The following IFT43 variants were observed in gnomAD, a reference collection of about 807,000 sequenced individuals.
The protein encoded by IFT43 is intraflagellar transport 43.
Under a neutral mutation model 32.3 loss-of-function variants are expected in IFT43, and 33 were observed. The observed-to-expected ratio is 1.02, with a 90% CI of 0.77 to 1.37. The LOEUF is 1.37. IFT43 is among the 40% of genes most tolerant of loss of function. The pLI, the probability that IFT43 is intolerant of heterozygous loss-of-function variation, is 0.00. For synonymous variants in IFT43, 93 were observed against 98.2 expected (o/e 0.95, Z 0.31); for missense variants, 274 against 265.9 (o/e 1.03, Z -0.21).
At chr14:76,041,490 C>T (rs1028356403) in intron 3 of IFT43, among the ~76,000 whole-genome samples, 1 of 152,306 alleles carries the variant, frequency 6.6e-6, no homozygotes, top group Non-Finnish European at 1.5e-5. Flanking sequence ...AAGTGCTTGC[C>T]AGGGTCTTCT....
intron 5 of IFT43, among the ~76,000 whole-genome samples, chr14:76,066,768 A>C (rs74066785): frequency 0.019 from 2,932 of 152,312 alleles, 91 homozygotes; most frequent in African/African-American, 0.067. Context: ...GAAGGGGCTG[A>C]TCACTCTCTT....
At chr14:76,044,425 T>C (rs1307287564) in intron 3 of IFT43, among the ~76,000 whole-genome samples, 1 of 152,240 alleles carries the variant, frequency 6.6e-6, no homozygotes, top group East Asian at 1.9e-4. Context: ...TCTGTTCCCA[T>C]GGAGTTGAAG....
At chr14:76,022,778 T>G (rs2036318820) in intron 3 of IFT43, 1 of 163,332 alleles carries the variant, frequency 6.1e-6, no homozygotes, top group South Asian at 1.8e-4. Flanking sequence ...CTGGCTTCTC[T>G]CACTTGTCAT....
At chr14:76,069,231 T>A (rs2037277722) in intron 5 of IFT43, among the ~76,000 whole-genome samples, 1 of 152,136 alleles carries the variant, frequency 6.6e-6, no homozygotes. Context: ...CGCCACACAC[T>A]TTTAAAACAA....
chr14:75,999,252 TATATATATATATATATA>T (rs2035818597), intron 2 of IFT43, among the ~76,000 whole-genome samples: 15 of 11,450 alleles, frequency 1.3e-3, no homozygotes, highest in African/African-American at 5.3e-3. Context: ...TATATATATA[TATATATATATATATATA>T]TATGTATATA....
chr14:75,985,814 G>A lies in IFT43; in HGVS notation c.28G>A (p.Glu10Lys). The change falls in exon 1 of 9, where the codon GAG becomes AAG. Residue 10 changes from glutamate to lysine, a missense_variant. Physicochemically the swap from Glu to Lys is moderately conservative, Grantham distance 56 (BLOSUM62 1). Coordinates refer to ENST00000314067, the MANE Select transcript of IFT43 (RefSeq NM_001102564.3). MEDLLDLDEELRYSLATSRA... is the reference protein window; with the variant it reads MEDLLDLDEKLRYSLATSRA... ...GGAGGATTTGCTCGACTTGGACGAG[G>A]AGCTTCGCTACAGCTTGGCTACCTC... The A allele has an allele frequency of 3.7e-6, 6 of 1,614,170 alleles. No homozygotes were observed. The highest frequency in any genetic ancestry group is 5.1e-6 in the Non-Finnish European group (6 of 1,180,036).
chr14:76,077,734 A>G (rs1343146190), intron 5 of IFT43, among the ~76,000 whole-genome samples: 1 of 152,104 alleles, frequency 6.6e-6, no homozygotes, highest in African/African-American at 2.4e-5. Context: ...ATTTCCCCCC[A>G]TCATGCCTTG....
intron 5 of IFT43, among the ~76,000 whole-genome samples, chr14:76,072,532 G>C (rs1228943763): frequency 1.3e-5 from 2 of 152,226 alleles, no homozygotes; most frequent in African/African-American, 4.8e-5. Context: ...TATGTGAGCA[G>C]CTTGCTTGCA....
chr14:76,038,808 G>A (rs1464985652), intron 3 of IFT43, among the ~76,000 whole-genome samples: 50 of 152,082 alleles, frequency 3.3e-4, no homozygotes, highest in Non-Finnish European at 5.9e-5. Flanking sequence ...GTATTATTTT[G>A]GTAGATTTCA....
chr14:76,052,273 C>A (rs1054598578), intron 3 of IFT43, among the ~76,000 whole-genome samples: 9 of 152,222 alleles, frequency 5.9e-5, no homozygotes, highest in African/African-American at 1.4e-4. Flanking sequence ...CCATTTAGAT[C>A]TCTGCAGTAT....
intron 2 of IFT43, among the ~76,000 whole-genome samples, chr14:76,018,128 G>C (rs2036223320): frequency 6.7e-6 from 1 of 148,306 alleles, no homozygotes. Flanking sequence ...GTTCCCTGAG[G>C]TGTGTTGTTA....
At chr14:75,988,755 T>C in intron 1 of IFT43, 130 bp from the exon 2 acceptor site, 2 of 1,341,120 alleles carry the variant, frequency 1.5e-6, no homozygotes, top group African/African-American at 1.4e-5. Flanking sequence ...CCTGACCTTG[T>C]GATCTGCCTG....
chr14:76,036,674 G>A (rs1462290933), intron 3 of IFT43, among the ~76,000 whole-genome samples: 4 of 152,092 alleles, frequency 2.6e-5, no homozygotes. Flanking sequence ...CAAAGTGCTG[G>A]GATTACAGGC....
At chr14:76,071,813 T>G (rs2037325713) in intron 5 of IFT43, among the ~76,000 whole-genome samples, 1 of 152,190 alleles carries the variant, frequency 6.6e-6, no homozygotes, top group African/African-American at 2.4e-5. Context: ...TCCTAAGAAT[T>G]TAGCGAGTGG....
chr14:75,985,980 C>T, intron 1 of IFT43, 140 bp downstream of exon 1: 3 of 1,528,166 alleles, frequency 2.0e-6, no homozygotes, highest in South Asian at 2.4e-5. Context: ...GAGGCAGCCT[C>T]ACCGCCCCGC....
chr14:76,031,020 G>C (rs929282898), intron 3 of IFT43, among the ~76,000 whole-genome samples: 1 of 146,574 alleles, frequency 6.8e-6, no homozygotes, highest in African/African-American at 2.5e-5. Flanking sequence ...AAACATATGT[G>C]TATATATATA....
intron 3 of IFT43, among the ~76,000 whole-genome samples, chr14:76,046,619 G>A (rs1334161290): frequency 1.3e-5 from 2 of 152,210 alleles, no homozygotes; most frequent in Admixed American, 6.5e-5. Context: ...GATGGTGGTA[G>A]CAACAGCCAC....
intron 3 of IFT43, among the ~76,000 whole-genome samples, chr14:76,032,821 G>T (rs1478974650): frequency 1.3e-5 from 2 of 152,236 alleles, no homozygotes; most frequent in African/African-American, 4.8e-5. Flanking sequence ...GAAAGATGAT[G>T]TGGAGACATT....
intron 5 of IFT43, among the ~76,000 whole-genome samples, chr14:76,077,143 T>C (rs995347657): frequency 6.6e-6 from 1 of 152,110 alleles, no homozygotes; most frequent in Non-Finnish European, 1.5e-5. Flanking sequence ...AGATGGGCCA[T>C]ACTGGACCAA....
Sources: allele counts gnomAD v4.1 joint callset (sites outside exome capture counted in the v4.1 genomes callset), GRCh38; gene constraint gnomAD v4.1.1; transcripts MANE v1.5; gene names NCBI Gene and HGNC (gene_info 2026-07-23, HGNC 2026-07-21).